CACNB2: variants seen among roughly 807,000 people sequenced by gnomAD.
CACNB2 encodes voltage-dependent L-type calcium channel subunit beta-2.
A neutral mutation model predicts 73.3 loss-of-function variants in CACNB2; 42 were observed. That is an observed-to-expected ratio of 0.57 (90% confidence interval 0.45 to 0.74). CACNB2 has a LOEUF of 0.74. CACNB2 is among the 30% of genes least tolerant of loss of function. The pLI is 0.00. For missense variants in CACNB2, 940 were observed against 853.0 expected, an observed-to-expected ratio of 1.10 and a Z score of -1.27; for synonymous variants, 348 against 310.3, an observed-to-expected ratio of 1.12 and a Z score of -1.28.
At chr10:18,398,748 G>A (rs2043841208) in intron 2 of CACNB2, among the ~76,000 whole-genome samples, 1 of 151,792 alleles carries the variant, frequency 6.6e-6, no homozygotes, top group African/African-American at 2.4e-5. Flanking sequence ...TACTATCAGA[G>A]ATACAAGGAA....
Position 18,536,185 on chromosome 10 carries a change from C to G in CACNB2, c.1291C>G (p.Gln431Glu). The G allele has an allele frequency of 6.4e-7, 1 of 1,561,450 alleles. No homozygotes were observed. Among genetic ancestry groups the G allele is most frequent in the Admixed American group, 1.7e-5 (1 of 59,018 alleles). The change falls in exon 12 of 14, where the codon CAG (glutamine) becomes GAG (glutamate). Residue 431 changes from glutamine to glutamate, a missense_variant. Coordinates refer to ENST00000324631, the MANE Select transcript of CACNB2 (RefSeq NM_201596.3). ...VQMVAADKLA[Q>E]CPPELFDVIL... is the part of the protein sequence containing the mutation. Reference sequence around the variant, plus strand: ...GATGGTAGCAGCTGATAAACTGGCTCAGTGTCCTCCAGTAAGTTATCTCTA... The same window carrying G: ...GATGGTAGCAGCTGATAAACTGGCTGAGTGTCCTCCAGTAAGTTATCTCTA...
intron 2 of CACNB2, among the ~76,000 whole-genome samples, chr10:18,190,013 A>C (rs1198122126): frequency 2.0e-5 from 3 of 152,204 alleles, no homozygotes; most frequent in Admixed American, 1.3e-4. Flanking sequence ...AATCTTCAGC[A>C]CTTGAATGAT....
rs186717955 is a variant in CACNB2 at position 18,336,438 on chromosome 10, G to A, written c.214-65486G>A. On this transcript the variant is annotated intron_variant, in intron 2 of 13. Transcript: ENST00000324631. ...GTTCAAGACCAGCCTGGCCAATATGGCAAAACCTCATCTCTACTAAAAGTA... is the reference window on the plus strand; with the variant it reads ...GTTCAAGACCAGCCTGGCCAATATGACAAAACCTCATCTCTACTAAAAGTA... Among the ~76,000 whole-genome samples, 59 of 152,230 alleles carry A rather than the reference G, an allele frequency of 3.9e-4. 1 individual carries two copies. The East Asian group carries it at 0.011, about 29-fold the overall frequency.
intron 2 of CACNB2, among the ~76,000 whole-genome samples, chr10:18,377,162 T>C (rs1054551650): frequency 1.6e-4 from 24 of 152,174 alleles, no homozygotes; most frequent in African/African-American, 5.8e-4. Flanking sequence ...CCACCCGTTC[T>C]AAGATACCAG....
intron 3 of CACNB2, among the ~76,000 whole-genome samples, chr10:18,405,983 G>T (rs150619332): frequency 1.0e-4 from 15 of 145,724 alleles, no homozygotes; most frequent in African/African-American, 3.8e-4. Flanking sequence ...AACAAAAAAC[G>T]ATGGACTCAA....
intron 2 of CACNB2, among the ~76,000 whole-genome samples, chr10:18,245,419 C>A (rs962265058): frequency 1.1e-4 from 17 of 152,256 alleles, no homozygotes; most frequent in African/African-American, 3.4e-4. Context: ...TTCCCTGGCC[C>A]AAGTGATCCT....
intron 2 of CACNB2, among the ~76,000 whole-genome samples, chr10:18,243,618 G>T (rs573172042): frequency 2.6e-5 from 4 of 152,162 alleles, no homozygotes; most frequent in Non-Finnish European, 5.9e-5. Flanking sequence ...GCCCTTCCTC[G>T]GGGATGAGTG....
intron 2 of CACNB2, among the ~76,000 whole-genome samples, chr10:18,154,593 C>T (rs1397938855): frequency 6.6e-6 from 1 of 152,062 alleles, no homozygotes; most frequent in Non-Finnish European, 1.5e-5. Flanking sequence ...TCAGCCTCCC[C>T]AGTAGCTGGG....
chr10:18,174,564 C>T (rs1186110217), intron 2 of CACNB2, among the ~76,000 whole-genome samples: 1 of 151,738 alleles, frequency 6.6e-6, no homozygotes, highest in Admixed American at 6.6e-5. Flanking sequence ...CCCCCATGCC[C>T]AGCTAATTTT....
rs752753717 is a variant in CACNB2, at chr10:18,539,467, C to T, written c.1726C>T (p.His576Tyr). The T allele has an allele frequency of 6.2e-7, 1 of 1,614,012 alleles. No homozygotes were observed. Among genetic ancestry groups the T allele is most frequent in the Non-Finnish European group, 8.5e-7 (1 of 1,179,996 alleles). ...CGTAGAGCCAAAGGAAGATTATTCC[C>T]ATGACCACGTGGACCACTATGCCTC... ...AYVEPKEDYS[H>Y]DHVDHYASHR... The change falls in exon 14 of 14, where the codon CAT becomes TAT. Residue 576 changes from histidine to tyrosine, a missense_variant. His to Tyr is a moderately conservative substitution (Grantham distance 83). Transcript: ENST00000324631.
intron 2 of CACNB2, among the ~76,000 whole-genome samples, chr10:18,315,499 T>TAAAAAAA (rs756721525): frequency 1.8e-4 from 7 of 39,506 alleles, no homozygotes; most frequent in African/African-American, 5.9e-4. Context: ...TGTCTCTATT[T>TAAAAAAA]AAAAAAAAAA....
intron 1 of CACNB2, among the ~76,000 whole-genome samples, chr10:18,145,088 G>A (rs989595787): frequency 1.3e-5 from 2 of 152,184 alleles, no homozygotes; most frequent in African/African-American, 4.8e-5. Flanking sequence ...GTAACCAGTG[G>A]GCCTGTTTGT....
At position 18,518,332 on chromosome 10, in the gene CACNB2, GCAGA is replaced by G; in HGVS notation, c.806_809del (p.Thr269SerfsTer17). 1 of 1,607,810 alleles carries G rather than the reference GCAGA, an allele frequency of 6.2e-7. No individual in the cohort carries two copies. The highest frequency in any genetic ancestry group is 8.5e-7 in the Non-Finnish European group (1 of 1,174,304). On this transcript the variant is annotated splice_acceptor_variant and splice_polypyrimidine_tract_variant and coding_sequence_variant and intron_variant, in exon 8 of 14. Coordinates refer to ENST00000324631, the MANE Select transcript of CACNB2 (RefSeq NM_201596.3). LOFTEE classifies it high-confidence loss of function. ...ACGTCTAAAAGCCTCTCCTCTCTCT[GCAGA>G]CAGAGCACACTCCTCCGTATGATGT...
chr10:18,515,826 A>T (rs1182684615), intron 7 of CACNB2, among the ~76,000 whole-genome samples: 1 of 152,236 alleles, frequency 6.6e-6, no homozygotes, highest in Non-Finnish European at 1.5e-5. Flanking sequence ...CAGGAATGTG[A>T]GCTAAAACCC....
intron 3 of CACNB2, among the ~76,000 whole-genome samples, chr10:18,409,172 ATCTGTAAGCCCAGCTATCC>A (rs2044471130): frequency 6.6e-6 from 1 of 152,152 alleles, no homozygotes; most frequent in Admixed American, 6.5e-5. Flanking sequence ...GGTGTTGTGC[ATCTGTAAGCCCAGCTATCC>A]CAGAGGCTGA....
rs1184051232 is a variant in CACNB2, at chr10:18,238,841, A to G, written c.213+87866A>G. On this transcript the variant is annotated intron_variant, in intron 2 of 13. Transcript: ENST00000324631. The stretch of plus-strand genomic sequence containing the variant: ...CCCATCTCTGCCTTTAACTAACACA[A>G]CCGTAAACCATTCAACTATTTTTGG... 2.0e-5 allele frequency among the ~76,000 whole-genome samples: 3 copies of G among 152,312 alleles called. No homozygotes were observed. The South Asian group carries it at 6.2e-4, about 32-fold the overall frequency.
chr10:18,375,650 A>G (rs1480408806), intron 2 of CACNB2, among the ~76,000 whole-genome samples: 1 of 152,222 alleles, frequency 6.6e-6, no homozygotes, highest in Non-Finnish European at 1.5e-5. Flanking sequence ...GCAGGAGCCC[A>G]TTCTCTGAGT....
intron 2 of CACNB2, among the ~76,000 whole-genome samples, chr10:18,194,148 G>T (rs2034525217): frequency 6.6e-6 from 1 of 152,182 alleles, no homozygotes; most frequent in Admixed American, 6.5e-5. Flanking sequence ...CACTGCTGTG[G>T]TTCCTTTCCT....
chr10:18,391,494 A>G (rs1397760038), intron 2 of CACNB2, among the ~76,000 whole-genome samples: 1 of 152,178 alleles, frequency 6.6e-6, no homozygotes, highest in Non-Finnish European at 1.5e-5. Context: ...CATGCATTCC[A>G]TGCCTGGCAC....
Sources: gnomAD v4.1 joint callset for allele counts (sites outside exome capture counted in the v4.1 genomes callset) on GRCh38, gnomAD v4.1.1 for gene constraint, MANE v1.5 for transcripts, NCBI Gene and HGNC (gene_info 2026-07-23, HGNC 2026-07-21) for gene names.